Variants in RDX observed in about 807,000 individuals in gnomAD.
The protein encoded by RDX is radixin, also known as deafness, autosomal recessive 24.
Under a neutral mutation model 83.7 loss-of-function variants are expected in RDX, and 32 were observed. The ratio of observed to expected loss-of-function variants is 0.38; its 90% CI spans 0.29 to 0.51. The LOEUF is 0.51. Ranked by LOEUF, RDX falls within the 20% of genes least tolerant of loss-of-function variation. The pLI is 0.87. For synonymous variants in RDX, 229 were observed against 222.7 expected, an observed-to-expected ratio of 1.03 and a Z score of -0.25; for missense variants, 600 against 689.9, an observed-to-expected ratio of 0.87 and a Z score of 1.46.
Position 110,254,123 on chromosome 11 carries a change from A to G in RDX, c.796-14T>C, listed in dbSNP as rs1319759036. ...AAACACAAAATCCTAAACATAAAGT[A>G]TTCTGAATTTAAAATCTTCCTCAAG... On this transcript the variant is annotated splice_polypyrimidine_tract_variant and intron_variant, in intron 8 of 13. Coordinates refer to ENST00000645495, the MANE Select transcript of RDX (RefSeq NM_002906.4). The G allele has an allele frequency of 1.2e-6, 2 of 1,610,190 alleles. No individual in the cohort carries two copies. The highest frequency in any genetic ancestry group is 4.5e-5 in the East Asian group (2 of 44,786).
chr11:110,284,175 G>T (rs779854296), intron 1 of RDX, among the ~76,000 whole-genome samples: 7 of 152,298 alleles, frequency 4.6e-5, no homozygotes, highest in Admixed American at 1.3e-4. Context: ...CACATTTCCA[G>T]AAAGTAGAGA....
At chr11:110,194,774 G>A (rs1565284680) in intron 15 of RDX, among the ~76,000 whole-genome samples, 1 of 152,184 alleles carries the variant, frequency 6.6e-6, no homozygotes, top group Non-Finnish European at 1.5e-5. Flanking sequence ...TCCCCTGTAG[G>A]AGGAGGTTGT....
intron 14 of RDX, among the ~76,000 whole-genome samples, chr11:110,216,836 G>C (rs1407784071): frequency 6.6e-6 from 1 of 152,116 alleles, no homozygotes; most frequent in African/African-American, 2.4e-5. Context: ...TGTATAATCT[G>C]AAAGACTTCA....
intron 14 of RDX, among the ~76,000 whole-genome samples, chr11:110,209,293 C>T (rs1395820828): frequency 4.6e-5 from 7 of 152,296 alleles, no homozygotes; most frequent in East Asian, 1.9e-4. Context: ...GCTTAAAAAA[C>T]GGCGCACCAC....
chr11:110,241,487 G>C (rs1222446224), intron 10 of RDX, among the ~76,000 whole-genome samples: 4 of 152,034 alleles, frequency 2.6e-5, no homozygotes, highest in Non-Finnish European at 4.4e-5. Context: ...AGTAGAGATG[G>C]GGTTTCACAA....
In RDX at chr11:110,279,742, TTC is replaced by T. The variant is rs1178462657; in HGVS notation, c.-52_-51del. 8.2e-7 allele frequency: 1 copy of T among 1,221,082 alleles called. No individual in the cohort carries two copies. Among genetic ancestry groups the T allele is most frequent in the Non-Finnish European group, 1.2e-6 (1 of 831,698 alleles). 75.6% of individuals were successfully genotyped at this position (1,221,082 alleles called of 1,614,324 possible). On this transcript the variant is annotated 5_prime_UTR_variant, in exon 2 of 14. Transcript: ENST00000645495. ...TTTAAAAATTCTCCACTTCAATGAA[TTC>T]TGTTATCACTTTCTGTTAAAAAAAA... is the stretch of plus-strand genomic sequence containing the variant.
At chr11:110,286,971 A>G (rs1220006858) in intron 1 of RDX, 1 of 152,270 alleles carries the variant, frequency 6.6e-6, no homozygotes, top group Admixed American at 6.5e-5. Context: ...ACACTGGAAT[A>G]TGATTATCAA....
At chr11:110,222,155 T>C (rs1035407948) in intron 14 of RDX, among the ~76,000 whole-genome samples, 3 of 152,174 alleles carry the variant, frequency 2.0e-5, no homozygotes, top group African/African-American at 7.2e-5. Context: ...AGCATAATGG[T>C]TGAAAAATAA....
rs1864608954 is a variant in RDX at position 110,230,909 on chromosome 11, T to G, written c.*960A>C. ...GTAGTGAGGTAGTATTGTTGTCCCC[T>G]CCTCGGGACTGATGTTTTTATATGC... On this transcript the variant is annotated 3_prime_UTR_variant, in exon 14 of 14. Transcript: ENST00000645495. 6.6e-6 allele frequency: 1 copy of G among 151,984 alleles called. No individual in the cohort carries two copies. Among genetic ancestry groups the G allele is most frequent in the African/African-American group, 2.4e-5 (1 of 41,138 alleles). The allele number at this position is 151,984 out of a possible 1,614,324, so 9.4% of individuals were successfully genotyped here.
intron 15 of RDX, among the ~76,000 whole-genome samples, chr11:110,181,164 CTT>C (rs34297768): frequency 0.57 from 81,648 of 142,748 alleles, 23,604 homozygotes; most frequent in East Asian, 0.73. Flanking sequence ...AGGGCTGCAT[CTT>C]TTTTTTTTTT....
At chr11:110,289,852 G>A (rs550521858) in intron 1 of RDX, among the ~76,000 whole-genome samples, 4 of 150,328 alleles carry the variant, frequency 2.7e-5, no homozygotes, top group African/African-American at 9.8e-5. Flanking sequence ...CCAACTACTC[G>A]GGACGCTGAG....
chr11:110,187,427 C>A (rs1863008977), intron 15 of RDX, among the ~76,000 whole-genome samples: 1 of 152,206 alleles, frequency 6.6e-6, no homozygotes. Flanking sequence ...TATAGAGCAC[C>A]TTCCTACCCA....
At chr11:110,222,519 G>A (rs184675913) in intron 14 of RDX, among the ~76,000 whole-genome samples, 14 of 152,230 alleles carry the variant, frequency 9.2e-5, no homozygotes, top group African/African-American at 2.4e-4. Context: ...TAAATGGACC[G>A]GGCATGGTGG....
At chr11:110,268,312 G>A (rs2086019) in intron 3 of RDX, among the ~76,000 whole-genome samples, 70,504 of 136,488 alleles carry the variant, frequency 0.52, 17,600 homozygotes, top group African/African-American at 0.66. Flanking sequence ...CTGTTTCGGG[G>A]AAAAAAAAAA....
At position 110,295,308 on chromosome 11, in the gene RDX, TA is replaced by T. The variant is rs200732024; in HGVS notation, c.-65+1158del. On this transcript the variant is annotated intron_variant, in intron 1 of 13. Coordinates refer to ENST00000645495, the MANE Select transcript of RDX (RefSeq NM_002906.4). ...TCATATAAAAGAGTATTTAGTGTTC[TA>T]AAAAAAAAAAAAAAAAAAGAAGTAT... Among the ~76,000 whole-genome samples the T allele has an allele frequency of 4.7e-3, 599 of 127,334 alleles. 6 individuals are homozygous for T. The highest frequency in any genetic ancestry group is 0.012 in the African/African-American group (421 of 33,928). 83.5% of individuals were successfully genotyped at this position (127,334 alleles called of 152,430 possible).
At chr11:110,240,539 C>A (rs1334551370) in intron 10 of RDX, among the ~76,000 whole-genome samples, 4 of 150,872 alleles carry the variant, frequency 2.7e-5, no homozygotes, top group African/African-American at 9.7e-5. Context: ...GTCAGGAGAT[C>A]GAGACCATCC....
intron 13 of RDX, among the ~76,000 whole-genome samples, chr11:110,232,465 AAAG>A (rs1425726686): frequency 6.6e-6 from 1 of 152,180 alleles, no homozygotes; most frequent in Admixed American, 6.5e-5. Context: ...TATTGGGAAA[AAAG>A]AAAGCTCATA....
chr11:110,182,531 A>G (rs625747), intron 15 of RDX, among the ~76,000 whole-genome samples: 145,112 of 151,154 alleles, frequency 0.96, 69,537 homozygotes, highest in East Asian at 1. Flanking sequence ...AGCCTGAGAG[A>G]TGGAGGTTGC....
intron 12 of RDX, among the ~76,000 whole-genome samples, chr11:110,235,311 G>T (rs564056700): frequency 1.3e-5 from 2 of 152,242 alleles, no homozygotes; most frequent in South Asian, 4.2e-4. Flanking sequence ...CTGCACTCCA[G>T]CCTGGGACAC....
Sources: allele counts gnomAD v4.1 joint callset (sites outside exome capture counted in the v4.1 genomes callset), GRCh38; gene constraint gnomAD v4.1.1; transcripts MANE v1.5; gene names NCBI Gene and HGNC (gene_info 2026-07-23, HGNC 2026-07-21).